Variants in CHIC1 observed in about 807,000 individuals in gnomAD.
CHIC1 encodes the protein cysteine-rich hydrophobic domain-containing protein 1.
In CHIC1, 7 loss-of-function variants were observed where a neutral mutation model predicts 18.5. The ratio of observed to expected loss-of-function variants is 0.38; its 90% confidence interval spans 0.22 to 0.71. The LOEUF is 0.71. CHIC1 is among the 30% of genes least tolerant of loss of function. The probability of loss-of-function intolerance (pLI) is 0.49; values close to 1 mark genes in which losing one functional copy is unlikely to be tolerated. For missense variants in CHIC1, 159 were observed against 176.9 expected, an observed-to-expected ratio of 0.90 and a Z score of 0.57; for synonymous variants, 77 against 73.5, an observed-to-expected ratio of 1.05 and a Z score of -0.25.
intron 1 of CHIC1, among the ~76,000 whole-genome samples, chrX:73,576,194 T>G: frequency 9.1e-6 from 1 of 110,110 alleles, no homozygotes; most frequent in Middle Eastern, 4.7e-3. Context: ...TACAGTTAAC[T>G]TTTTGTTAGA....
chrX:73,598,845 C>A (rs2057626059), intron 3 of CHIC1, among the ~76,000 whole-genome samples: 1 of 109,650 alleles, frequency 9.1e-6, no homozygotes, highest in Admixed American at 9.7e-5. Context: ...GGGTATATAC[C>A]CAGTAATGGG....
At chrX:73,659,324 T>C (rs1450016075) in intron 3 of CHIC1, among the ~76,000 whole-genome samples, 2 of 109,290 alleles carry the variant, frequency 1.8e-5, no homozygotes, top group African/African-American at 6.7e-5. Flanking sequence ...GTTTTTCCTA[T>C]AATTTCTCCC....
chrX:73,624,615 A>C (rs1209855970), intron 3 of CHIC1, among the ~76,000 whole-genome samples: 1 of 111,728 alleles, frequency 9.0e-6, no homozygotes, highest in African/African-American at 3.3e-5. Flanking sequence ...TTTAGGGCTA[A>C]CTATGACATG....
chrX:73,635,143 A>G (rs1330783297), intron 3 of CHIC1, among the ~76,000 whole-genome samples: 2 of 111,564 alleles, frequency 1.8e-5, no homozygotes, highest in Non-Finnish European at 3.8e-5. Context: ...GTAAATGATC[A>G]TGTGGTTGTT....
At chrX:73,619,799 C>A (rs752510473) in intron 3 of CHIC1, among the ~76,000 whole-genome samples, 21 of 110,914 alleles carry the variant, frequency 1.9e-4, no homozygotes, top group African/African-American at 6.6e-4. Flanking sequence ...TGGTGGTTTG[C>A]TACACCCATC....
At chrX:73,641,524 A>G (rs954618062) in intron 3 of CHIC1, among the ~76,000 whole-genome samples, 3 of 110,645 alleles carry the variant, frequency 2.7e-5, no homozygotes, top group African/African-American at 9.9e-5. Flanking sequence ...TTTAAATTTC[A>G]TTATTATTAT....
chrX:73,597,960 T>C (rs1164018421), intron 3 of CHIC1, among the ~76,000 whole-genome samples: 1 of 111,791 alleles, frequency 8.9e-6, no homozygotes, highest in Non-Finnish European at 1.9e-5. Context: ...TCATTCTTTT[T>C]TATGGCTGCA....
chrX:73,581,950 A>G (rs958492062), intron 2 of CHIC1, among the ~76,000 whole-genome samples: 4 of 110,767 alleles, frequency 3.6e-5, no homozygotes, highest in African/African-American at 1.3e-4. Context: ...TTTGAAATAA[A>G]AAGCTATTTT....
intron 1 of CHIC1, among the ~76,000 whole-genome samples, chrX:73,572,037 G>C (rs1164900537): frequency 1.8e-5 from 2 of 110,021 alleles, no homozygotes; most frequent in Non-Finnish European, 1.9e-5. Flanking sequence ...TGAGGTTTGG[G>C]GTACAATTGA....
chrX:73,640,036 T>A (rs2057847836), intron 3 of CHIC1, among the ~76,000 whole-genome samples: 2 of 111,581 alleles, frequency 1.8e-5, no homozygotes, highest in Admixed American at 1.9e-4. Context: ...TCTTACCTGA[T>A]TGTCCTTGCC....
intron 1 of CHIC1, among the ~76,000 whole-genome samples, chrX:73,575,080 A>C (rs775102693): frequency 2.7e-5 from 3 of 110,075 alleles, no homozygotes; most frequent in African/African-American, 9.8e-5. Context: ...ATTATTTGAC[A>C]AACATTTTTC....
chrX:73,596,173 G>A (rs1225410256), intron 3 of CHIC1, among the ~76,000 whole-genome samples: 1 of 111,592 alleles, frequency 9.0e-6, no homozygotes, highest in African/African-American at 3.3e-5. Flanking sequence ...AGCAACTTCA[G>A]CAAAGTCTCA....
chrX:73,566,006 C>T (rs2057443266), intron 1 of CHIC1, among the ~76,000 whole-genome samples: 1 of 110,833 alleles, frequency 9.0e-6, no homozygotes, highest in Non-Finnish European at 1.9e-5. Context: ...CCGTGCTTTT[C>T]ATTTGTTTCA....
intron 3 of CHIC1, among the ~76,000 whole-genome samples, chrX:73,590,455 T>C (rs189965076): frequency 9.0e-6 from 1 of 111,183 alleles, no homozygotes; most frequent in Non-Finnish European, 1.9e-5. Flanking sequence ...TGAGCCAATA[T>C]TGATATATTA....
intron 1 of CHIC1, among the ~76,000 whole-genome samples, chrX:73,566,139 A>C (rs1441357684): frequency 9.1e-6 from 1 of 109,758 alleles, no homozygotes; most frequent in Non-Finnish European, 1.9e-5. Context: ...ATATCATCAT[A>C]GTTTCTGAAA....
intron 3 of CHIC1, among the ~76,000 whole-genome samples, chrX:73,634,188 A>G (rs780173992): frequency 2.3e-4 from 26 of 112,155 alleles, no homozygotes; most frequent in African/African-American, 8.1e-4. Flanking sequence ...TTCAGGAGAG[A>G]TAGACCTTTA....
At chrX:73,659,974 T>C (rs1359612902) in intron 3 of CHIC1, among the ~76,000 whole-genome samples, 1 of 111,669 alleles carries the variant, frequency 9.0e-6, no homozygotes, top group Non-Finnish European at 1.9e-5. Flanking sequence ...CACCCTGAAA[T>C]GGCTGTGGGA....
At chrX:73,623,420 C>A (rs1488533035) in intron 3 of CHIC1, among the ~76,000 whole-genome samples, 1 of 110,531 alleles carries the variant, frequency 9.0e-6, no homozygotes, top group Admixed American at 9.7e-5. Flanking sequence ...TTGCATTGAT[C>A]CCTTTACCTA....
chrX:73,657,052 C>G (rs868441679), intron 3 of CHIC1, among the ~76,000 whole-genome samples: 1 of 88,544 alleles, frequency 1.1e-5, no homozygotes, highest in Non-Finnish European at 2.3e-5. Flanking sequence ...ATTTTATATT[C>G]TTTTTTTAAT....
Sources: allele counts gnomAD v4.1 joint callset (sites outside exome capture counted in the v4.1 genomes callset), GRCh38; gene constraint gnomAD v4.1.1; transcripts MANE v1.5; gene names NCBI Gene and HGNC (gene_info 2026-07-23, HGNC 2026-07-21).